The following TSPEAR variants were observed in gnomAD, a reference collection of about 807,000 sequenced individuals.
The protein encoded by TSPEAR is thrombospondin type laminin G domain and EAR repeats.
Under a neutral mutation model 71.6 loss-of-function variants are expected in TSPEAR, and 69 were observed. That is an observed-to-expected ratio of 0.96 (90% CI 0.79 to 1.18). The LOEUF is 1.18. Among genes scored for constraint, TSPEAR ranks in the 50% most tolerant of loss-of-function variants. The probability of loss-of-function intolerance (pLI) is 0.00; values close to 1 mark genes in which losing one functional copy is unlikely to be tolerated. For missense variants in TSPEAR, 971 were observed against 894.9 expected (o/e 1.09, Z -1.09); for synonymous variants, 402 against 387.2 (o/e 1.04, Z -0.45).
intron 1 of TSPEAR, among the ~76,000 whole-genome samples, chr21:44,634,518 C>G (rs1983433498): frequency 6.6e-6 from 1 of 152,164 alleles, no homozygotes; most frequent in East Asian, 1.9e-4. Context: ...TTTTGTGCAT[C>G]AAAGGACACT....
At chr21:44,542,253 T>C (rs1555917297) in intron 2 of TSPEAR, among the ~76,000 whole-genome samples, 1 of 152,158 alleles carries the variant, frequency 6.6e-6, no homozygotes, top group Non-Finnish European at 1.5e-5. Context: ...TGAGGAAATT[T>C]CAAGCCTGAA....
chr21:44,626,015 G>C (rs1385817880), intron 1 of TSPEAR, among the ~76,000 whole-genome samples: 2 of 152,212 alleles, frequency 1.3e-5, no homozygotes, highest in Admixed American at 6.5e-5. Flanking sequence ...TAGAAACCCT[G>C]TGGGGACAGG....
intron 1 of TSPEAR, among the ~76,000 whole-genome samples, chr21:44,594,883 T>C (rs1555927442): frequency 6.9e-6 from 1 of 144,834 alleles, no homozygotes; most frequent in Non-Finnish European, 1.5e-5. Context: ...AGTGCAGTGG[T>C]ACGATCTCAG....
intron 8 of TSPEAR, among the ~76,000 whole-genome samples, chr21:44,525,014 G>C (rs782179649): frequency 2.6e-5 from 4 of 151,922 alleles, no homozygotes; most frequent in Admixed American, 6.6e-5. Context: ...CAGCCAGCCA[G>C]TCAGATAGTT....
At chr21:44,671,625 AACT>A (rs782812602) in intron 1 of TSPEAR, among the ~76,000 whole-genome samples, 10 of 152,210 alleles carry the variant, frequency 6.6e-5, no homozygotes, top group Non-Finnish European at 1.3e-4. Flanking sequence ...ACAGAGACTA[AACT>A]ACTGCATGCA....
At chr21:44,580,040 G>A (rs782780760) in intron 1 of TSPEAR, 1 of 1,594,744 alleles carries the variant, frequency 6.3e-7, no homozygotes. Context: ...GCAGCAGACA[G>A]GCTTGCAACA....
At chr21:44,617,402 C>T (rs1555932746) in intron 1 of TSPEAR, among the ~76,000 whole-genome samples, 1 of 152,248 alleles carries the variant, frequency 6.6e-6, no homozygotes, top group Non-Finnish European at 1.5e-5. Flanking sequence ...CTGGAATTCC[C>T]TGTGCTGGGC....
rs1375375568 is a variant in TSPEAR, at chr21:44,665,097, G to A, written c.82+46336C>T. ...TTCATGGATTCGAATGTGTTCGGCTGCAAGCATTTATATGTCTGGGTTGAT... is the reference window on the plus strand; with the variant it reads ...TTCATGGATTCGAATGTGTTCGGCTACAAGCATTTATATGTCTGGGTTGAT... On this transcript the variant is annotated intron_variant, in intron 1 of 11. Coordinates refer to ENST00000323084, the MANE Select transcript of TSPEAR (RefSeq NM_144991.3). 2.0e-5 allele frequency among the ~76,000 whole-genome samples: 3 copies of A among 152,336 alleles called. No homozygotes were observed. The East Asian group carries it at 5.8e-4, about 29-fold the overall frequency.
chr21:44,679,951 T>C (rs1163823528), intron 1 of TSPEAR, among the ~76,000 whole-genome samples: 1 of 152,016 alleles, frequency 6.6e-6, no homozygotes, highest in Non-Finnish European at 1.5e-5. Flanking sequence ...AAAACATAAA[T>C]GAAATGCTCC....
chr21:44,590,872 C>T (rs1390449337), intron 1 of TSPEAR, among the ~76,000 whole-genome samples: 1 of 151,950 alleles, frequency 6.6e-6, no homozygotes, highest in Non-Finnish European at 1.5e-5. Context: ...GGTTGGGGGC[C>T]CACGGGGCTA....
At chr21:44,588,852 G>A (rs1979541933) in intron 1 of TSPEAR, among the ~76,000 whole-genome samples, 2 of 151,460 alleles carry the variant, frequency 1.3e-5, no homozygotes, top group Non-Finnish European at 2.9e-5. Context: ...CATTCACAGA[G>A]ACCTGGATGA....
rs587637882 is a variant in TSPEAR, at chr21:44,539,200, G to A, written c.304-5277C>T. 4.2e-5 allele frequency: 64 copies of A among 1,521,476 alleles called. 1 individual carries two copies. Among genetic ancestry groups the A allele is most frequent in the South Asian group, 2.7e-4 (21 of 79,070 alleles). 94.2% of individuals were successfully genotyped at this position (1,521,476 alleles called of 1,614,324 possible). ...CAGCACAGGGGAGACACGGGGACCC[G>A]TCCTAGGTGGGGGAAGCCACCTAAC... On this transcript the variant is annotated intron_variant, in intron 2 of 11. Coordinates refer to ENST00000323084, the MANE Select transcript of TSPEAR (RefSeq NM_144991.3).
chr21:44,652,399 C>T (rs1984862264), intron 1 of TSPEAR, among the ~76,000 whole-genome samples: 1 of 152,200 alleles, frequency 6.6e-6, no homozygotes, highest in South Asian at 2.1e-4. Flanking sequence ...CACCCCGGTA[C>T]CAGCACAGGC....
In TSPEAR at chr21:44,499,921, C is replaced by G. The variant is rs1208700585; in HGVS notation, c.1872G>C (p.Glu624Asp). 1 of 1,606,674 alleles carries G rather than the reference C, an allele frequency of 6.2e-7. No individual in the cohort carries two copies. The highest frequency in any genetic ancestry group is 1.7e-5 in the Admixed American group (1 of 59,468). ...NSIIYRWQGYEGFVAVHSLPT... is the reference protein window; with the variant it reads ...NSIIYRWQGYDGFVAVHSLPT... Reference sequence around the variant, plus strand: ...GGAGGCTGTGCACCGCCACGAAGCCCTCGTAGCCCTGCCACCTGCGGAACA... The same window carrying G: ...GGAGGCTGTGCACCGCCACGAAGCCGTCGTAGCCCTGCCACCTGCGGAACA... Residue 624 changes from glutamate to aspartate, a missense_variant, in exon 12 of 12, where the codon GAG becomes GAC. By Grantham distance (45) the Glu-to-Asp change is conservative (BLOSUM62 2). Transcript: ENST00000323084.
intron 9 of TSPEAR, among the ~76,000 whole-genome samples, chr21:44,513,745 C>T (rs587725110): frequency 2.6e-5 from 4 of 152,176 alleles, no homozygotes; most frequent in African/African-American, 7.2e-5. Context: ...AAAGAGGATG[C>T]CTCTGTGGTC....
rs1278369676 is a variant in TSPEAR, at chr21:44,593,686, A to G, written c.83-25681T>C. Among the ~76,000 whole-genome samples the G allele has an allele frequency of 1.3e-5, 2 of 152,198 alleles. No homozygotes were observed. Among genetic ancestry groups the G allele is most frequent in the Non-Finnish European group, 2.9e-5 (2 of 68,026 alleles). On this transcript the variant is annotated intron_variant, in intron 1 of 11. Transcript: ENST00000323084. The surrounding 1 kb of genome is among the most constrained non-coding windows in gnomAD (Gnocchi z 5.9). The stretch of plus-strand genomic sequence containing the variant: ...AAGACCCACAGAGCAGACTCTGGCA[A>G]TAAGATATCAAATTACAAACAGGAC...
intron 8 of TSPEAR, 58 bp from the exon 9 acceptor site, chr21:44,522,170 C>G: frequency 1.3e-6 from 2 of 1,543,644 alleles, no homozygotes; most frequent in Non-Finnish European, 1.8e-6. Flanking sequence ...CCCATGGCAG[C>G]CCCGACGGAG....
rs1555922000 is a variant in TSPEAR, at chr21:44,568,021, C to T, written c.83-16G>A. Reference sequence around the variant, plus strand: ...GGGCGCAGGTCTGTGGCAAAGAAATCACAGGTGGGTTAGGCCAGGACACCC... The same window carrying T: ...GGGCGCAGGTCTGTGGCAAAGAAATTACAGGTGGGTTAGGCCAGGACACCC... On this transcript the variant is annotated splice_polypyrimidine_tract_variant and intron_variant, in intron 1 of 11. Coordinates refer to ENST00000323084, the MANE Select transcript of TSPEAR (RefSeq NM_144991.3). 2.0e-6 allele frequency: 3 copies of T among 1,502,158 alleles called. No homozygotes were observed. The highest frequency in any genetic ancestry group is 2.7e-6 in the Non-Finnish European group (3 of 1,120,690). The allele number at this position is 1,502,158 out of a possible 1,614,324, so 93.1% of individuals were successfully genotyped here. A position where few individuals can be genotyped will look rare whatever the true frequency, so the allele number is the denominator to read the frequency against.
Position 44,697,823 on chromosome 21 carries a change from C to T in TSPEAR, c.82+13610G>A, listed in dbSNP as rs199768542. 2,044 of 1,613,198 alleles carry T rather than the reference C, an allele frequency of 1.3e-3. 25 individuals carry two copies. The highest frequency in any genetic ancestry group is 2.3e-4 in the Non-Finnish European group (273 of 1,179,718). Reference sequence around the variant, plus strand: ...CCGCCCTGTGTGCAGACCCGCCCGCCGCGTGCCCGTCCCCTCCTGCTGTGT... The same window carrying T: ...CCGCCCTGTGTGCAGACCCGCCCGCTGCGTGCCCGTCCCCTCCTGCTGTGT... On this transcript the variant is annotated intron_variant, in intron 1 of 11. Transcript: ENST00000323084.
Sources: allele counts gnomAD v4.1 joint callset (sites outside exome capture counted in the v4.1 genomes callset), GRCh38; gene constraint gnomAD v4.1.1; non-coding constraint Gnocchi (gnomAD v3.1); transcripts MANE v1.5; gene names NCBI Gene and HGNC (gene_info 2026-07-23, HGNC 2026-07-21).